FUT8: variants seen among roughly 807,000 people sequenced by gnomAD.
FUT8 encodes the protein alpha-(1,6)-fucosyltransferase.
A neutral mutation model predicts 71.3 loss-of-function variants in FUT8; 29 were observed. The ratio of observed to expected loss-of-function variants is 0.41; its 90% CI spans 0.30 to 0.55. The LOEUF (loss-of-function observed/expected upper bound fraction) is 0.55. Ranked by LOEUF, FUT8 falls within the 20% of genes least tolerant of loss-of-function variation. The pLI, the probability that FUT8 is intolerant of heterozygous loss-of-function variation, is 0.34. For synonymous variants in FUT8, 254 were observed against 239.3 expected, an observed-to-expected ratio of 1.06 and a Z score of -0.57; for missense variants, 544 against 702.1, an observed-to-expected ratio of 0.77 and a Z score of 2.55.
chr14:65,461,328 C>T (rs781173727), intron 2 of FUT8, among the ~76,000 whole-genome samples: 2 of 152,124 alleles, frequency 1.3e-5, no homozygotes, highest in African/African-American at 2.4e-5. Flanking sequence ...GTATTAGGGT[C>T]CATCCTAATC....
At chr14:65,458,912 C>T (rs973905033) in intron 2 of FUT8, among the ~76,000 whole-genome samples, 1 of 151,928 alleles carries the variant, frequency 6.6e-6, no homozygotes, top group Admixed American at 6.6e-5. Context: ...CCTCAGACTC[C>T]CAAATAGCTG....
intron 7 of FUT8, among the ~76,000 whole-genome samples, chr14:65,691,588 T>C (rs914369879): frequency 2.0e-5 from 3 of 152,188 alleles, no homozygotes; most frequent in Non-Finnish European, 4.4e-5. Flanking sequence ...TTGGTCATAG[T>C]GTATAATTCT....
chr14:65,487,533 C>T (rs1026433474), intron 2 of FUT8, among the ~76,000 whole-genome samples: 3 of 147,218 alleles, frequency 2.0e-5, no homozygotes, highest in Admixed American at 6.8e-5. Context: ...ACTGCACACT[C>T]CAGCATGAGC....
chr14:65,428,640 T>C (rs1046387314), intron 1 of FUT8, among the ~76,000 whole-genome samples: 1 of 152,238 alleles, frequency 6.6e-6, no homozygotes, highest in South Asian at 2.1e-4. Context: ...AGATGGGTGA[T>C]TAAACATTTT....
chr14:65,433,635 C>T (rs1204261976), intron 1 of FUT8, among the ~76,000 whole-genome samples: 2 of 152,194 alleles, frequency 1.3e-5, no homozygotes, highest in Non-Finnish European at 2.9e-5. Context: ...GTACTGCCTG[C>T]ACTGAAGATT....
At chr14:65,691,950 G>C (rs1893627132) in intron 7 of FUT8, among the ~76,000 whole-genome samples, 1 of 152,194 alleles carries the variant, frequency 6.6e-6, no homozygotes, top group Admixed American at 6.5e-5. Context: ...TCCCAAGGCA[G>C]AAGAATTTTT....
At chr14:65,453,851 A>G (rs1261737516) in intron 1 of FUT8, among the ~76,000 whole-genome samples, 2 of 152,160 alleles carry the variant, frequency 1.3e-5, no homozygotes, top group Admixed American at 6.5e-5. Flanking sequence ...CTGGTATATC[A>G]TTCTAGTAAT....
intron 1 of FUT8, among the ~76,000 whole-genome samples, chr14:65,451,186 G>A (rs1265969390): frequency 1.3e-5 from 2 of 152,212 alleles, no homozygotes; most frequent in Non-Finnish European, 2.9e-5. Flanking sequence ...CCTTGTGGAA[G>A]GGAGTGCACA....
At chr14:65,695,664 GTCT>G (rs1481107174) in intron 7 of FUT8, among the ~76,000 whole-genome samples, 1 of 151,622 alleles carries the variant, frequency 6.6e-6, no homozygotes, top group Non-Finnish European at 1.5e-5. Context: ...CATATAGTTG[GTCT>G]TCTTTTTTTT....
At chr14:65,389,987 A>G in the FUT8 span, among the ~76,000 whole-genome samples, 3 of 150,988 alleles carry the variant, frequency 2.0e-5, no homozygotes, top group African/African-American at 7.3e-5. Flanking sequence ...CTAAAAATAC[A>G]AAAATTAGCT....
chr14:65,672,968 A>G (rs542008343), intron 7 of FUT8, among the ~76,000 whole-genome samples: 1 of 152,338 alleles, frequency 6.6e-6, no homozygotes, highest in East Asian at 1.9e-4. Flanking sequence ...TAAACTACCT[A>G]GGCTGTTCTG....
intron 7 of FUT8, among the ~76,000 whole-genome samples, chr14:65,709,346 C>T (rs976720702): frequency 6.6e-6 from 1 of 152,010 alleles, no homozygotes. Flanking sequence ...TGAAAGATTA[C>T]TAGAGATGAT....
At chr14:65,704,920 G>A (rs1255262030) in intron 7 of FUT8, among the ~76,000 whole-genome samples, 2 of 152,154 alleles carry the variant, frequency 1.3e-5, no homozygotes, top group African/African-American at 4.8e-5. Flanking sequence ...ATATCATTGA[G>A]ATCAGTTAAC....
chr14:65,488,958 T>C (rs1183151990), intron 2 of FUT8, among the ~76,000 whole-genome samples: 2 of 152,198 alleles, frequency 1.3e-5, no homozygotes, highest in African/African-American at 2.4e-5. Flanking sequence ...AAGAATAATA[T>C]GTTTACTATT....
At chr14:65,405,346 A>C in the FUT8 span, among the ~76,000 whole-genome samples, 1 of 152,212 alleles carries the variant, frequency 6.6e-6, no homozygotes, top group East Asian at 1.9e-4. Context: ...ATTTGTGATT[A>C]TGGAAAAATG....
intron 3 of FUT8, among the ~76,000 whole-genome samples, chr14:65,599,814 A>G (rs2140165914): frequency 6.6e-6 from 1 of 152,364 alleles, no homozygotes; most frequent in East Asian, 1.9e-4. Context: ...TAATAAAGCC[A>G]TTAACTACTT....
rs2066459126 is a variant in FUT8 at position 65,489,884 on chromosome 14, C to CA, written c.-228+34173dup. The stretch of plus-strand genomic sequence containing the variant: ...AAAGAAATTCAGTGTACTTTCTTTT[C>CA]AAAAAAACATTAAAAACTCCAAAAC... On this transcript the variant is annotated intron_variant, in intron 2 of 10. Transcript: ENST00000673929. This position sits in a 1 kb window ranked among gnomAD's most constrained non-coding sequence, Gnocchi z 4.0. 1.3e-5 allele frequency among the ~76,000 whole-genome samples: 2 copies of CA among 151,552 alleles called. No individual in the cohort carries two copies. The highest frequency in any genetic ancestry group is 1.5e-5 in the Non-Finnish European group (1 of 67,844).
the FUT8 span, among the ~76,000 whole-genome samples, chr14:65,366,724 C>T: frequency 6.6e-6 from 1 of 152,152 alleles, no homozygotes; most frequent in Non-Finnish European, 1.5e-5. Flanking sequence ...ATGACTCCTG[C>T]CCCTCAAAAT....
At chr14:65,358,362 TAG>T in the FUT8 span, among the ~76,000 whole-genome samples, 3 of 152,186 alleles carry the variant, frequency 2.0e-5, no homozygotes, top group African/African-American at 7.2e-5. Flanking sequence ...TATTAAACCA[TAG>T]ATACTCAATA....
Sources: allele counts gnomAD v4.1 joint callset (sites outside exome capture counted in the v4.1 genomes callset), GRCh38; gene constraint gnomAD v4.1.1; non-coding constraint Gnocchi (gnomAD v3.1); transcripts MANE v1.5; gene names NCBI Gene and HGNC (gene_info 2026-07-23, HGNC 2026-07-21).